Variants in NCAM1 observed in about 807,000 individuals in gnomAD.
The protein encoded by NCAM1 is antigen recognized by monoclonal antibody 5.1H11.
In NCAM1, 14 loss-of-function variants were observed where a neutral mutation model predicts 109.8. That is an observed-to-expected ratio of 0.13 (90% CI 0.08 to 0.20). NCAM1 has a LOEUF of 0.20. Ranked by LOEUF, NCAM1 falls within the 10% of genes least tolerant of loss-of-function variation. The probability of loss-of-function intolerance (pLI) is 1.00; values close to 1 mark genes in which losing one functional copy is unlikely to be tolerated. For synonymous variants in NCAM1, 418 were observed against 442.9 expected (o/e 0.94, Z 0.70); for missense variants, 774 against 1,109.9 (o/e 0.70, Z 4.30).
chr11:113,249,320 T>C (rs1565528938), intron 15 of NCAM1, among the ~76,000 whole-genome samples: 1 of 152,214 alleles, frequency 6.6e-6, no homozygotes, highest in Non-Finnish European at 1.5e-5. Context: ...TCTGCTCTAA[T>C]TGCCTTTATC....
intron 14 of NCAM1, among the ~76,000 whole-genome samples, chr11:113,244,294 G>C (rs1555119724): frequency 6.6e-6 from 1 of 152,156 alleles, no homozygotes; most frequent in African/African-American, 2.4e-5. Flanking sequence ...GAAGGAATTA[G>C]GTGTCTCTCC....
At chr11:112,967,387 A>G (rs1412677124) in intron 1 of NCAM1, among the ~76,000 whole-genome samples, 1 of 152,224 alleles carries the variant, frequency 6.6e-6, no homozygotes, top group East Asian at 1.9e-4. Flanking sequence ...GTGAGATGAC[A>G]TAATTTCTGC....
chr11:113,129,042 T>C (rs1303979476), intron 1 of NCAM1, among the ~76,000 whole-genome samples: 1 of 151,928 alleles, frequency 6.6e-6, no homozygotes, highest in Non-Finnish European at 1.5e-5. Context: ...AAACCCATCT[T>C]TATTTTTTCT....
At chr11:113,028,264 T>C (rs1404645923) in intron 1 of NCAM1, among the ~76,000 whole-genome samples, 2 of 152,270 alleles carry the variant, frequency 1.3e-5, no homozygotes, top group East Asian at 3.9e-4. Context: ...ATACAACGTA[T>C]ACATGTACCG....
intron 1 of NCAM1, chr11:113,003,781 G>C (rs1951817445): frequency 6.6e-6 from 1 of 152,234 alleles, no homozygotes; most frequent in Non-Finnish European, 1.5e-5. Context: ...TTGGGCATCA[G>C]ACTCTTTGAG....
At chr11:113,178,299 A>T (rs934991871) in intron 1 of NCAM1, among the ~76,000 whole-genome samples, 5 of 152,128 alleles carry the variant, frequency 3.3e-5, no homozygotes, top group African/African-American at 1.2e-4. Context: ...ATAACTAAGG[A>T]TGGGGACACT....
At chr11:113,136,836 G>A (rs1489119324) in intron 1 of NCAM1, among the ~76,000 whole-genome samples, 2 of 152,162 alleles carry the variant, frequency 1.3e-5, no homozygotes, top group African/African-American at 2.4e-5. Flanking sequence ...AGACAACAGA[G>A]GGATAAATGG....
At chr11:112,999,461 T>G (rs1227360768) in intron 1 of NCAM1, among the ~76,000 whole-genome samples, 1 of 152,170 alleles carries the variant, frequency 6.6e-6, no homozygotes, top group Non-Finnish European at 1.5e-5. Context: ...TGAAAAAAAC[T>G]ATTTAAAATA....
intron 1 of NCAM1, among the ~76,000 whole-genome samples, chr11:113,086,243 C>CA: frequency 6.6e-6 from 1 of 152,320 alleles, no homozygotes; most frequent in South Asian, 2.1e-4. Context: ...GCAGGCTATG[C>CA]AGGGCTCCTG....
chr11:113,051,998 C>T (rs1953514959), intron 1 of NCAM1, among the ~76,000 whole-genome samples: 1 of 152,226 alleles, frequency 6.6e-6, no homozygotes, highest in African/African-American at 2.4e-5. Context: ...TGCAATGCTC[C>T]TGTGGCCGCA....
At position 113,116,453 on chromosome 11, in the gene NCAM1, C is replaced by G. The variant is rs553527595; in HGVS notation, c.53-85926C>G. 2.0e-5 allele frequency among the ~76,000 whole-genome samples: 3 copies of G among 152,326 alleles called. No individual in the cohort carries two copies. The South Asian group carries it at 6.2e-4, about 32-fold the overall frequency. On this transcript the variant is annotated intron_variant, in intron 1 of 19. Transcript: ENST00000316851. The stretch of plus-strand genomic sequence containing the variant: ...GCTAGAGAAATGACAGCCCAACAGA[C>G]CTGGTGGACTTTAAACAAGAGCTAA...
rs138811851 is a variant in NCAM1, at chr11:113,078,139, C to A, written c.52+116475C>A. Reference sequence around the variant, plus strand: ...AGTCTAAAATCAAGTGTCGGCAGGACTGTGGTCCCTCTGAAGGCTCTAGGG... The same window carrying A: ...AGTCTAAAATCAAGTGTCGGCAGGAATGTGGTCCCTCTGAAGGCTCTAGGG... On this transcript the variant is annotated intron_variant, in intron 1 of 19. Coordinates refer to ENST00000316851, the MANE Select transcript of NCAM1 (RefSeq NM_181351.5). Among the ~76,000 whole-genome samples, 115 of 152,266 alleles carry A rather than the reference C, an allele frequency of 7.6e-4. 1 individual carries two copies. Among genetic ancestry groups the A allele is most frequent in the African/African-American group, 2.7e-3 (111 of 41,568 alleles).
chr11:113,077,908 A>T (rs1938603199), intron 1 of NCAM1, among the ~76,000 whole-genome samples: 1 of 151,934 alleles, frequency 6.6e-6, no homozygotes, highest in Non-Finnish European at 1.5e-5. Context: ...GCTGGTCTCA[A>T]ACTCCTGACC....
intron 4 of NCAM1, 98 bp from the exon 5 acceptor site, chr11:113,205,945 A>G (rs534017887): frequency 2.4e-4 from 347 of 1,467,116 alleles, no homozygotes; most frequent in Non-Finnish European, 2.9e-4. Context: ...ACCCCACCCT[A>G]TGATACTGAA....
rs113624703 is a variant in NCAM1, at chr11:113,244,475, T to C, written c.1826-1893T>C. Among the ~76,000 whole-genome samples the C allele has an allele frequency of 7.3e-4, 111 of 152,338 alleles. 1 individual carries two copies. The highest frequency in any genetic ancestry group is 2.5e-3 in the African/African-American group (106 of 41,588). On this transcript the variant is annotated intron_variant, in intron 14 of 19. Coordinates refer to ENST00000316851, the MANE Select transcript of NCAM1 (RefSeq NM_181351.5). ...TGAGATAAAGGAAAGATGCTCACAA[T>C]TGGGCAGCAGCCTGAGTTTAGCATG...
At chr11:113,142,345 A>T (rs1941860608) in intron 1 of NCAM1, among the ~76,000 whole-genome samples, 1 of 152,198 alleles carries the variant, frequency 6.6e-6, no homozygotes, top group Non-Finnish European at 1.5e-5. Flanking sequence ...CCACCACATA[A>T]ATCCCTAGAG....
intron 17 of NCAM1, among the ~76,000 whole-genome samples, chr11:113,268,819 C>T (rs782558467): frequency 6.6e-6 from 1 of 152,186 alleles, no homozygotes; most frequent in African/African-American, 2.4e-5. Flanking sequence ...TGGCCTGGTG[C>T]TTGGCAAAGC....
At chr11:113,104,863 C>T (rs1565439010) in intron 1 of NCAM1, among the ~76,000 whole-genome samples, 1 of 152,182 alleles carries the variant, frequency 6.6e-6, no homozygotes, top group East Asian at 1.9e-4. Context: ...AACATAAAAA[C>T]AAAGTAAATT....
At chr11:113,265,552 G>A (rs1555124286) in intron 17 of NCAM1, among the ~76,000 whole-genome samples, 9 of 152,168 alleles carry the variant, frequency 5.9e-5, no homozygotes, top group Non-Finnish European at 1.5e-5. Context: ...CCCTAACAGA[G>A]GCTGCACAGA....
Sources: gnomAD v4.1 joint callset for allele counts (sites outside exome capture counted in the v4.1 genomes callset) on GRCh38, gnomAD v4.1.1 for gene constraint, MANE v1.5 for transcripts, NCBI Gene and HGNC (gene_info 2026-07-23, HGNC 2026-07-21) for gene names.